The following ARL10 variants were observed in gnomAD, a reference collection of about 807,000 sequenced individuals.
ARL10 encodes the protein ARF like GTPase 10, also known as ADP-ribosylation factor-like protein 10.
Under a neutral mutation model 26.1 loss-of-function variants are expected in ARL10, and 23 were observed. That is an observed-to-expected ratio of 0.88 (90% CI 0.63 to 1.25). ARL10 has a LOEUF of 1.25. ARL10 is among the 50% of genes most tolerant of loss of function. The pLI is 0.00. For synonymous variants in ARL10, 138 were observed against 149.1 expected, an observed-to-expected ratio of 0.93 and a Z score of 0.54; for missense variants, 300 against 323.6, an observed-to-expected ratio of 0.93 and a Z score of 0.56.
chr5:176,379,177 T>G lies in ARL10; in HGVS notation c.*7282T>G, dbSNP rs570126249. The G allele has an allele frequency of 2.0e-5, 3 of 152,236 alleles. No homozygotes were observed. The highest frequency in any genetic ancestry group is 4.1e-4 in the South Asian group (2 of 4,830). 9.4% of individuals were successfully genotyped at this position (152,236 alleles called of 1,614,324 possible). A position where few individuals can be genotyped will look rare whatever the true frequency, so the allele number is the denominator to read the frequency against. Reference sequence around the variant, plus strand: ...CTTTTTTATGTATGTATGTATGTATTTATTTTTTGAGATGGAGTTTTGCTC... The same window carrying G: ...CTTTTTTATGTATGTATGTATGTATGTATTTTTTGAGATGGAGTTTTGCTC... On this transcript the variant is annotated 3_prime_UTR_variant, in exon 4 of 4. Transcript: ENST00000310389.
chr5:176,368,876 T>C lies in ARL10; in HGVS notation c.455T>C (p.Val152Ala). The change falls in exon 3 of 4, where the codon GTG becomes GCG. Residue 152 changes from valine to alanine, a missense_variant. Physicochemically the swap from Val to Ala is moderately conservative, Grantham distance 64 (BLOSUM62 0). Transcript: ENST00000310389. The surrounding 1 kb of genome is among the most constrained non-coding windows in gnomAD (Gnocchi z 4.1). ...FVSEVDVLVFVVDSADRLRLP... is the reference protein window; with the variant it reads ...FVSEVDVLVFAVDSADRLRLP... The stretch of plus-strand genomic sequence containing the variant: ...AGCGAGGTGGATGTGCTGGTGTTTG[T>C]GGTGGACTCGGCTGACCGACTGCGG... 1 of 1,614,144 alleles carries C rather than the reference T, an allele frequency of 6.2e-7. No individual in the cohort carries two copies. Among genetic ancestry groups the C allele is most frequent in the South Asian group, 1.1e-5 (1 of 91,086 alleles).
At chr5:176,389,320 C>T (rs774117788), downstream of ARL10, 1 of 1,610,310 alleles carries the variant, frequency 6.2e-7, no homozygotes, top group South Asian at 1.1e-5. Context: ...GTTGCTTTGT[C>T]CCCTCCTCAG....
At chr5:176,403,530 C>T (rs749101577), downstream of ARL10, among the ~76,000 whole-genome samples, 9 of 152,078 alleles carry the variant, frequency 5.9e-5, no homozygotes, top group Non-Finnish European at 1.0e-4. Context: ...TCTCGGCCCA[C>T]TGCAACCTCC....
chr5:176,368,788 G>A lies in ARL10; in HGVS notation c.386-19G>A, dbSNP rs771914229. ...CGGGGGCCCGGGAGGCTCTGAGCTG[G>A]CCCCTGGCCTCTCCTCAGTTGGGGG... On this transcript the variant is annotated intron_variant, in intron 2 of 3. Transcript: ENST00000310389. This position sits in a 1 kb window ranked among gnomAD's most constrained non-coding sequence, Gnocchi z 4.1. 1 of 1,595,824 alleles carries A rather than the reference G, an allele frequency of 6.3e-7. No homozygotes were observed. The highest frequency in any genetic ancestry group is 8.5e-7 in the Non-Finnish European group (1 of 1,169,756).
At position 176,371,241 on chromosome 5, in the gene ARL10, G is replaced by A. The variant is rs1329056355; in HGVS notation, c.562-481G>A. 2.0e-5 allele frequency among the ~76,000 whole-genome samples: 3 copies of A among 152,294 alleles called. No individual in the cohort carries two copies. In the East Asian group the frequency reaches 5.8e-4, roughly 29 times the overall value. On this transcript the variant is annotated intron_variant, in intron 3 of 3. Coordinates refer to ENST00000310389, the MANE Select transcript of ARL10 (RefSeq NM_173664.6). ...AATACAAAAATTAGCCAGGCGTGGT[G>A]GCTCACACCTGTAGTCCCAGCTACT...
downstream of ARL10, chr5:176,386,427 T>C: frequency 3.3e-6 from 1 of 300,404 alleles, no homozygotes; most frequent in Non-Finnish European, 6.7e-6. Context: ...TAGGGTTTAC[T>C]CTCCTCCGTT....
At chr5:176,382,005 T>G (rs1755567069), downstream of ARL10, 1 of 152,246 alleles carries the variant, frequency 6.6e-6, no homozygotes, top group Admixed American at 6.5e-5. Context: ...TCTCTGATAC[T>G]GGTACAGAAT....
intron 2 of ARL10, 83 bp downstream of exon 2, chr5:176,366,664 T>G: frequency 6.7e-7 from 1 of 1,490,786 alleles, no homozygotes; most frequent in East Asian, 2.3e-5. Context: ...GCTTCCAAAA[T>G]GCATGTCTAA....
downstream of ARL10, among the ~76,000 whole-genome samples, chr5:176,385,761 T>A (rs184871939): frequency 3.6e-3 from 554 of 152,298 alleles, 3 homozygotes; most frequent in African/African-American, 0.013. Flanking sequence ...TCTAAATACA[T>A]GAGATCTAGA....
chr5:176,397,945 G>A lies in ARL10; in HGVS notation c.134-3796G>A, dbSNP rs754031956. 18 of 1,613,664 alleles carry A rather than the reference G, an allele frequency of 1.1e-5. No individual in the cohort carries two copies. The highest frequency in any genetic ancestry group is 6.7e-5 in the East Asian group (3 of 44,864). The stretch of plus-strand genomic sequence containing the variant: ...CCGCCCTCACCCAGCTCTTGCAGCC[G>A]TTTCCTCTGCTCCTCTCGCCACTTG... On this transcript the variant is annotated intron_variant, in intron 1 of 1. Transcript: ENST00000514533.
intron 1 of ARL10, among the ~76,000 whole-genome samples, chr5:176,395,988 A>C (rs1756503827): frequency 6.6e-6 from 1 of 152,056 alleles, no homozygotes; most frequent in Non-Finnish European, 1.5e-5. Context: ...TACAAAAGTT[A>C]GCCGGGCACG....
At chr5:176,405,639 G>C (rs1320405807), downstream of ARL10, 7 of 152,110 alleles carry the variant, frequency 4.6e-5, no homozygotes, top group African/African-American at 1.7e-4. Flanking sequence ...CTGACCAAAT[G>C]AATGAACGAC....
At chr5:176,395,469 G>A (rs1472445331) in intron 1 of ARL10, among the ~76,000 whole-genome samples, 1 of 152,234 alleles carries the variant, frequency 6.6e-6, no homozygotes, top group Admixed American at 6.5e-5. Flanking sequence ...AGGCTCTGGT[G>A]TGCTCTGTGC....
At chr5:176,385,014 T>A (rs1240711488), downstream of ARL10, 5 of 583,360 alleles carry the variant, frequency 8.6e-6, no homozygotes, top group Admixed American at 8.9e-5. Flanking sequence ...TATCTGTGAG[T>A]GAGACTGGAA....
the ARL10 span, among the ~76,000 whole-genome samples, chr5:176,410,501 T>C: frequency 2.0e-5 from 3 of 152,134 alleles, no homozygotes; most frequent in Non-Finnish European, 4.4e-5. Flanking sequence ...CTCACAGCCA[T>C]TAGTACATTT....
Position 176,368,914 on chromosome 5 carries a change from C to G in ARL10, c.493C>G (p.Arg165Gly), listed in dbSNP as rs373235269. The change falls in exon 3 of 4, where the codon CGA (arginine) becomes GGA (glycine). Residue 165 changes from arginine to glycine, a missense_variant. Transcript: ENST00000310389. The surrounding 1 kb of genome is among the most constrained non-coding windows in gnomAD (Gnocchi z 4.1). ...TGACCGACTGCGGCTGCCCTGGGCC[C>G]GACAGGAGCTGCACAAGCTGCTGGA... ...SADRLRLPWA[R>G]QELHKLLDKD... 5 of 1,614,064 alleles carry G rather than the reference C, an allele frequency of 3.1e-6. No homozygotes were observed. Among genetic ancestry groups the G allele is most frequent in the East Asian group, 4.5e-5 (2 of 44,880 alleles).
the ARL10 span, among the ~76,000 whole-genome samples, chr5:176,411,913 A>C: frequency 2.0e-5 from 3 of 151,952 alleles, no homozygotes; most frequent in Non-Finnish European, 4.4e-5. Flanking sequence ...GTGGTGGCTT[A>C]TGCCTGTAAT....
downstream of ARL10, among the ~76,000 whole-genome samples, chr5:176,382,828 TC>T (rs1412912554): frequency 6.6e-6 from 1 of 152,088 alleles, no homozygotes; most frequent in Admixed American, 6.6e-5. Context: ...TAAAGTTCAT[TC>T]CTCACCTGCA....
the ARL10 span, among the ~76,000 whole-genome samples, chr5:176,411,912 T>G: frequency 6.6e-6 from 1 of 151,936 alleles, no homozygotes; most frequent in Non-Finnish European, 1.5e-5. Flanking sequence ...CGTGGTGGCT[T>G]ATGCCTGTAA....
Sources: gnomAD v4.1 joint callset for allele counts (sites outside exome capture counted in the v4.1 genomes callset) on GRCh38, gnomAD v4.1.1 for gene constraint, Gnocchi (gnomAD v3.1) non-coding constraint, MANE v1.5 for transcripts, NCBI Gene and HGNC (gene_info 2026-07-23, HGNC 2026-07-21) for gene names.